Variants in DISP1 observed in about 807,000 individuals in gnomAD.
DISP1 encodes dispatched RND transporter family member 1.
Under a neutral mutation model 37.3 loss-of-function variants are expected in DISP1, and 30 were observed. That is an observed-to-expected ratio of 0.80 (90% CI 0.60 to 1.09). DISP1 has a LOEUF of 1.09. Ranked by LOEUF, DISP1 falls within the 50% of genes least tolerant of loss-of-function variation. The pLI is 0.00. For missense variants in DISP1, 1,598 were observed against 1,879.5 expected (o/e 0.85, Z 2.77); for synonymous variants, 634 against 690.2 (o/e 0.92, Z 1.28).
At chr1:222,832,062 T>C (rs945296629) in intron 1 of DISP1, among the ~76,000 whole-genome samples, 2 of 151,940 alleles carry the variant, frequency 1.3e-5, no homozygotes, top group Non-Finnish European at 2.9e-5. Flanking sequence ...AGTGGATTAC[T>C]TGAGGTCAGG....
At position 222,828,834 on chromosome 1, in the gene DISP1, TA is replaced by T. The variant is rs1272070044; in HGVS notation, c.-159+13765del. 2.2e-3 allele frequency among the ~76,000 whole-genome samples: 328 copies of T among 151,772 alleles called. 5 individuals are homozygous for T. The highest frequency in any genetic ancestry group is 1.2e-3 in the South Asian group (6 of 4,816). On this transcript the variant is annotated intron_variant, in intron 1 of 8. Transcript: ENST00000675850. The stretch of plus-strand genomic sequence containing the variant: ...CTTTATTGTTGGCTCTTCTATACAT[TA>T]AAAAAAAATTTTAAGTACTTAAATA...
rs1188346461 is a variant in DISP1, at chr1:222,997,518, G to GGT, written c.987+2537_987+2538dup. Among the ~76,000 whole-genome samples the GGT allele has an allele frequency of 3.3e-5, 5 of 152,094 alleles. No individual in the cohort carries two copies. The East Asian group carries it at 9.6e-4, about 29-fold the overall frequency. ...AAGTTCAGCTGATTTGCAAAACATAGGTAGGCTGGTAGCAAGAAAACATTA... is the reference window on the plus strand; with the variant it reads ...AAGTTCAGCTGATTTGCAAAACATAGGTGTAGGCTGGTAGCAAGAAAACATTA... On this transcript the variant is annotated intron_variant, in intron 8 of 8. Coordinates refer to ENST00000675850, the MANE Select transcript of DISP1 (RefSeq NM_001377229.1).
intron 1 of DISP1, among the ~76,000 whole-genome samples, chr1:222,915,708 T>C (rs1672461208): frequency 6.6e-6 from 1 of 152,228 alleles, no homozygotes; most frequent in Admixed American, 6.5e-5. Context: ...GTGACAGATC[T>C]TTGCCAAGGT....
intron 3 of DISP1, chr1:222,979,722 C>G: frequency 2.1e-6 from 1 of 468,142 alleles, no homozygotes; most frequent in Non-Finnish European, 4.4e-6. Flanking sequence ...CACCAGCTCA[C>G]TGGAGTGGCC....
At chr1:222,975,995 C>T (rs146767146) in intron 3 of DISP1, among the ~76,000 whole-genome samples, 10 of 152,092 alleles carry the variant, frequency 6.6e-5, no homozygotes, top group African/African-American at 1.9e-4. Context: ...TGTGGTGGGA[C>T]GCGCAAATGT....
At chr1:222,855,995 C>G (rs1033028835) in intron 1 of DISP1, among the ~76,000 whole-genome samples, 7 of 151,612 alleles carry the variant, frequency 4.6e-5, no homozygotes, top group African/African-American at 1.7e-4. Context: ...GGAAAAGATT[C>G]TTCTGTTTAA....
intron 3 of DISP1, among the ~76,000 whole-genome samples, chr1:222,962,661 C>A (rs1335318206): frequency 2.6e-5 from 4 of 152,140 alleles, no homozygotes; most frequent in Non-Finnish European, 5.9e-5. Context: ...ACTAATCTGA[C>A]AAAAACAAGC....
At chr1:222,921,896 T>TA (rs1209547576) in intron 1 of DISP1, among the ~76,000 whole-genome samples, 1 of 152,010 alleles carries the variant, frequency 6.6e-6, no homozygotes, top group African/African-American at 2.4e-5. Flanking sequence ...ATGACCACAA[T>TA]AAAAAAAGAC....
chr1:222,942,671 C>T (rs958634971), intron 2 of DISP1, 136 bp from the exon 3 acceptor site: 18 of 973,578 alleles, frequency 1.8e-5, no homozygotes, highest in African/African-American at 1.5e-4. Context: ...ACAGATGCTG[C>T]GGAATTTCTA....
intron 1 of DISP1, among the ~76,000 whole-genome samples, chr1:222,834,562 C>G (rs1321170049): frequency 6.6e-6 from 1 of 152,158 alleles, no homozygotes; most frequent in Non-Finnish European, 1.5e-5. Context: ...CATTCTGTCA[C>G]AGACAGGTAG....
At chr1:222,865,037 T>C (rs1669108269) in intron 1 of DISP1, among the ~76,000 whole-genome samples, 1 of 151,974 alleles carries the variant, frequency 6.6e-6, no homozygotes, top group African/African-American at 2.4e-5. Context: ...TTTGTTTTTG[T>C]TTTGTTTTTT....
rs181465377 is a variant in DISP1 at position 222,851,318 on chromosome 1, C to T, written c.-159+36240C>T. The stretch of plus-strand genomic sequence containing the variant: ...TGAACTCAAGTGATCCGCCCGCCTC[C>T]GCCTCCCAAAGTGCTGGGATTACAG... On this transcript the variant is annotated intron_variant, in intron 1 of 8. Transcript: ENST00000675850. Among the ~76,000 whole-genome samples, 6 of 152,032 alleles carry T rather than the reference C, an allele frequency of 3.9e-5. No individual in the cohort carries two copies. In the East Asian group the frequency reaches 7.7e-4, roughly 20 times the overall value.
chr1:222,906,889 C>A (rs1174110963), intron 1 of DISP1, among the ~76,000 whole-genome samples: 4 of 152,150 alleles, frequency 2.6e-5, no homozygotes, highest in African/African-American at 7.2e-5. Flanking sequence ...ACCCAAGAAC[C>A]CTCTCTTAGG....
In DISP1 at chr1:222,817,610, C is replaced by T. The variant is rs1028068436; in HGVS notation, c.-159+2532C>T. Among the ~76,000 whole-genome samples the T allele has an allele frequency of 3.3e-5, 5 of 152,190 alleles. No homozygotes were observed. The East Asian group carries it at 9.6e-4, about 29-fold the overall frequency. Reference sequence around the variant, plus strand: ...ACTGCTGATCTGTTAACTTAAGGTCCAGCTGCTGCACTGCCTCTGATGAAA... The same window carrying T: ...ACTGCTGATCTGTTAACTTAAGGTCTAGCTGCTGCACTGCCTCTGATGAAA... On this transcript the variant is annotated intron_variant, in intron 1 of 8. Coordinates refer to ENST00000675850, the MANE Select transcript of DISP1 (RefSeq NM_001377229.1).
rs1184861564 is a variant in DISP1 at position 222,850,313 on chromosome 1, A to T, written c.-159+35235A>T. ...TTCTCTTTAGTTTTGTAACCATTCC[A>T]TTTTTTTTGTTTAGCTCCCTTGTTC... is the stretch of plus-strand genomic sequence containing the variant. On this transcript the variant is annotated intron_variant, in intron 1 of 8. Transcript: ENST00000675850. Among the ~76,000 whole-genome samples, 4 of 150,976 alleles carry T rather than the reference A, an allele frequency of 2.6e-5. No homozygotes were observed. In the East Asian group the frequency reaches 7.8e-4, roughly 29 times the overall value.
At chr1:222,825,692 G>A (rs559473657) in intron 1 of DISP1, among the ~76,000 whole-genome samples, 259 of 151,992 alleles carry the variant, frequency 1.7e-3, no homozygotes, top group African/African-American at 6.1e-3. Flanking sequence ...TGGTAGAGAC[G>A]GGGTTTCACC....
intron 7 of DISP1, 92 bp downstream of exon 7, chr1:222,992,202 G>A: frequency 1.3e-5 from 13 of 1,036,498 alleles, no homozygotes; most frequent in African/African-American, 1.6e-5. Context: ...GCCGTGTGTG[G>A]CTAGTCACAC....
intron 3 of DISP1, among the ~76,000 whole-genome samples, chr1:222,960,670 A>G (rs1311469327): frequency 2.0e-5 from 3 of 152,148 alleles, no homozygotes; most frequent in African/African-American, 7.2e-5. Flanking sequence ...CAAAAAATCA[A>G]TGAATCCAGG....
Position 223,002,970 on chromosome 1 carries a change from A to G in DISP1, c.1573A>G (p.Met525Val), listed in dbSNP as rs1262112954. Residue 525 changes from methionine to valine, a missense_variant, in exon 9 of 9, where the codon ATG becomes GTG. By Grantham distance (21) the Met-to-Val change is conservative. Coordinates refer to ENST00000675850, the MANE Select transcript of DISP1 (RefSeq NM_001377229.1). ...LLVMCVYTKS[M>V]FITLMTMFAI... ...AGTTATGTGTGTCTACACCAAGTCCATGTTTATCACTCTGATGACAATGTT... is the reference window on the plus strand; with the variant it reads ...AGTTATGTGTGTCTACACCAAGTCCGTGTTTATCACTCTGATGACAATGTT... 15 of 1,613,820 alleles carry G rather than the reference A, an allele frequency of 9.3e-6. No homozygotes were observed. Among genetic ancestry groups the G allele is most frequent in the African/African-American group, 1.3e-5 (1 of 74,942 alleles).
Sources: allele counts gnomAD v4.1 joint callset (sites outside exome capture counted in the v4.1 genomes callset), GRCh38; gene constraint gnomAD v4.1.1; transcripts MANE v1.5; gene names NCBI Gene and HGNC (gene_info 2026-07-23, HGNC 2026-07-21).